The following NRXN2 variants were observed in gnomAD, a reference collection of about 807,000 sequenced individuals.
The protein encoded by NRXN2 is neurexin 2, also known as neurexin-2-beta.
Under a neutral mutation model 128.8 loss-of-function variants are expected in NRXN2, and 29 were observed. The observed-to-expected ratio is 0.23, with a 90% confidence interval of 0.17 to 0.31. NRXN2 has a LOEUF of 0.31. NRXN2 is among the 10% of genes least tolerant of loss of function. NRXN2 has a pLI of 1.00. For missense variants in NRXN2, 1,881 were observed against 2,452.6 expected, an observed-to-expected ratio of 0.77 and a Z score of 4.92; for synonymous variants, 1,098 against 1,075.2, an observed-to-expected ratio of 1.02 and a Z score of -0.41.
chr11:64,676,822 A>G (rs1315112911), intron 7 of NRXN2, 171 bp downstream of exon 7: 1 of 643,496 alleles, frequency 1.6e-6, no homozygotes, highest in Non-Finnish European at 2.8e-6. Context: ...AAAGGGAAAG[A>G]GGGAAACTAA....
intron 22 of NRXN2, among the ~76,000 whole-genome samples, chr11:64,615,045 C>T (rs929254949): frequency 4.6e-5 from 7 of 152,212 alleles, no homozygotes; most frequent in African/African-American, 1.7e-4. Context: ...TTTCTGCTTC[C>T]TCCTCAGGGC....
chr11:64,649,163 T>C (rs1237685274), intron 15 of NRXN2, among the ~76,000 whole-genome samples: 7 of 152,144 alleles, frequency 4.6e-5, no homozygotes, highest in Admixed American at 3.9e-4. Flanking sequence ...GGGGGACAGC[T>C]GGAGGAACCT....
intron 2 of NRXN2, among the ~76,000 whole-genome samples, chr11:64,701,704 A>G (rs560780621): frequency 2.0e-5 from 3 of 152,240 alleles, no homozygotes; most frequent in African/African-American, 7.2e-5. Flanking sequence ...ACACCACTGC[A>G]CTCCAGCCTG....
At chr11:64,654,576 C>T (rs2047973237) in intron 11 of NRXN2, among the ~76,000 whole-genome samples, 1 of 152,186 alleles carries the variant, frequency 6.6e-6, no homozygotes, top group South Asian at 2.1e-4. Flanking sequence ...CTGGGAAGGC[C>T]CCGTGTGGCT....
intron 9 of NRXN2, among the ~76,000 whole-genome samples, chr11:64,662,531 C>T (rs1345958472): frequency 6.6e-6 from 1 of 152,172 alleles, no homozygotes; most frequent in Non-Finnish European, 1.5e-5. Context: ...CCTGTAATCC[C>T]AGCACTTTGG....
chr11:64,682,062 C>A (rs944645288), intron 6 of NRXN2, among the ~76,000 whole-genome samples: 1 of 152,120 alleles, frequency 6.6e-6, no homozygotes, highest in East Asian at 1.9e-4. Context: ...TGGGGGGCTA[C>A]ACTCTTGCTG....
Position 64,622,699 on chromosome 11 carries a change from A to G in NRXN2, c.4173+54T>C. The G allele has an allele frequency of 6.4e-7, 1 of 1,572,842 alleles. No homozygotes were observed. Among genetic ancestry groups the G allele is most frequent in the South Asian group, 1.1e-5 (1 of 87,310 alleles). On this transcript the variant is annotated intron_variant, in intron 21 of 22. Coordinates refer to ENST00000265459, the MANE Select transcript of NRXN2 (RefSeq NM_015080.4). The surrounding 1 kb of genome is among the most constrained non-coding windows in gnomAD (Gnocchi z 4.3). ...CCACTACTGTGGCTATGCAGATATCAACCCCATCCCCACCTATCCCTGCCC... is the reference window on the plus strand; with the variant it reads ...CCACTACTGTGGCTATGCAGATATCGACCCCATCCCCACCTATCCCTGCCC...
At position 64,642,402 on chromosome 11, in the gene NRXN2, G is replaced by T. The variant is rs1317805300; in HGVS notation, c.3403+5817C>A. 5.5e-6 allele frequency: 7 copies of T among 1,283,718 alleles called. No individual in the cohort carries two copies. In the South Asian group the frequency reaches 9.5e-5, roughly 17 times the overall value. 79.5% of individuals were successfully genotyped at this position (1,283,718 alleles called of 1,614,324 possible). A position where few individuals can be genotyped will look rare whatever the true frequency, so the allele number is the denominator to read the frequency against. On this transcript the variant is annotated intron_variant, in intron 17 of 22. Transcript: ENST00000265459. ...GGAGCTGGAGATTGGAGGTGAAGGG[G>T]CTCCGGGACGCAAAGCAGAGGGGCC... is the stretch of plus-strand genomic sequence containing the variant.
intron 9 of NRXN2, among the ~76,000 whole-genome samples, chr11:64,664,150 T>G (rs1168099020): frequency 1.3e-5 from 2 of 152,134 alleles, no homozygotes; most frequent in African/African-American, 4.8e-5. Context: ...ACAATATAAG[T>G]GTACTTAACA....
intron 17 of NRXN2, among the ~76,000 whole-genome samples, chr11:64,638,590 G>C (rs1255856486): frequency 6.6e-6 from 1 of 152,204 alleles, no homozygotes; most frequent in Non-Finnish European, 1.5e-5. Flanking sequence ...GCAAAATAGG[G>C]CACCACATCT....
At position 64,656,836 on chromosome 11, in the gene NRXN2, G is replaced by A. The variant is rs184355297; in HGVS notation, c.2390-3114C>T. Among the ~76,000 whole-genome samples the A allele has an allele frequency of 1.7e-3, 254 of 152,330 alleles. 2 individuals carry two copies. Among genetic ancestry groups the A allele is most frequent in the African/African-American group, 5.9e-3 (246 of 41,576 alleles). On this transcript the variant is annotated intron_variant, in intron 11 of 22. Transcript: ENST00000265459. The stretch of plus-strand genomic sequence containing the variant: ...TGCTCAGTGTTTGCAAACATAGTGG[G>A]GGCTGGGAAGCTGCAGCAGGAGGCA...
At chr11:64,657,026 CA>C (rs1018230940) in intron 11 of NRXN2, among the ~76,000 whole-genome samples, 2 of 152,198 alleles carry the variant, frequency 1.3e-5, no homozygotes, top group African/African-American at 2.4e-5. Context: ...GGGCCTGTTT[CA>C]ATCCACTGAG....
At chr11:64,701,019 C>A (rs1276698709) in intron 2 of NRXN2, among the ~76,000 whole-genome samples, 1 of 152,204 alleles carries the variant, frequency 6.6e-6, no homozygotes, top group African/African-American at 2.4e-5. Context: ...TCCTAGAAAT[C>A]CTTATCATCC....
chr11:64,719,778 G>A (rs993126822), intron 1 of NRXN2, among the ~76,000 whole-genome samples: 3 of 152,188 alleles, frequency 2.0e-5, no homozygotes, highest in African/African-American at 4.8e-5. Flanking sequence ...GATGCAGAGG[G>A]GGACAGATGG....
Position 64,713,070 on chromosome 11 carries a change from G to A in NRXN2, c.630C>T (p.Arg210=). The change falls in exon 2 of 23, where the codon CGC becomes CGT. Residue 210 remains arginine, a synonymous_variant. Transcript: ENST00000265459. The part of the protein sequence containing the change: ...ATADPLCAPA[R]NPCANGGLCT... ...AGAGGCCGCCGTTGGCGCAGGGGTT[G>A]CGCGCGGGCGCGCACAGCGGGTCGG... is the stretch of plus-strand genomic sequence containing the variant. 1 of 1,295,592 alleles carries A rather than the reference G, an allele frequency of 7.7e-7. No individual in the cohort carries two copies. Among genetic ancestry groups the A allele is most frequent in the African/African-American group, 1.6e-5 (1 of 64,306 alleles). The allele number at this position is 1,295,592 out of a possible 1,614,324, so 80.3% of individuals were successfully genotyped here. A position where few individuals can be genotyped will look rare whatever the true frequency, so the allele number is the denominator to read the frequency against.
chr11:64,630,359 C>G lies in NRXN2; in HGVS notation c.3757+43G>C. ...CCGCACTCCTATCAGAGGCCGCCAC[C>G]CGCCCCGCCACCGCGCCTCCTCCGC... On this transcript the variant is annotated intron_variant, in intron 19 of 22. Coordinates refer to ENST00000265459, the MANE Select transcript of NRXN2 (RefSeq NM_015080.4). This position sits in a 1 kb window ranked among gnomAD's most constrained non-coding sequence, Gnocchi z 4.6. 1 of 1,581,958 alleles carries G rather than the reference C, an allele frequency of 6.3e-7. No homozygotes were observed. Among genetic ancestry groups the G allele is most frequent in the Non-Finnish European group, 8.6e-7 (1 of 1,166,184 alleles).
chr11:64,680,784 G>A (rs967522907), intron 6 of NRXN2, among the ~76,000 whole-genome samples: 2 of 152,098 alleles, frequency 1.3e-5, no homozygotes, highest in African/African-American at 4.8e-5. Flanking sequence ...GACCAGGAGA[G>A]GTGTTCTTCT....
intron 3 of NRXN2, 133 bp from the exon 4 acceptor site, chr11:64,693,009 C>A: frequency 1.3e-6 from 1 of 794,588 alleles, no homozygotes. Context: ...CTTTTGCTGC[C>A]ACAATTTAAA....
intron 1 of NRXN2, among the ~76,000 whole-genome samples, chr11:64,717,325 C>A (rs2057330513): frequency 6.6e-6 from 1 of 152,314 alleles, no homozygotes; most frequent in Admixed American, 6.5e-5. Flanking sequence ...GACGTCAGTG[C>A]AGTGCACACT....
Sources: allele counts gnomAD v4.1 joint callset (sites outside exome capture counted in the v4.1 genomes callset), GRCh38; gene constraint gnomAD v4.1.1; non-coding constraint Gnocchi (gnomAD v3.1); transcripts MANE v1.5; gene names NCBI Gene and HGNC (gene_info 2026-07-23, HGNC 2026-07-21).